MAP7D1: variants seen among roughly 807,000 people sequenced by gnomAD.
MAP7D1 encodes the protein MAP7 domain containing 1, also known as MAP7 domain-containing protein 1.
MAP7D1 carries 30 observed loss-of-function variants against 97.5 expected under a neutral mutation model. That is an observed-to-expected ratio of 0.31 (90% CI 0.23 to 0.42). The LOEUF (loss-of-function observed/expected upper bound fraction) is 0.42, where lower values mean the gene tolerates loss of function less well. Among genes scored for constraint, MAP7D1 ranks in the 10% least tolerant of loss-of-function variants. The pLI, the probability that MAP7D1 is intolerant of heterozygous loss-of-function variation, is 1.00. For missense variants in MAP7D1, 1,184 were observed against 1,179.5 expected (o/e 1.00, Z -0.06); for synonymous variants, 536 against 477.1 (o/e 1.12, Z -1.61).
intron 12 of MAP7D1, 113 bp from the exon 13 acceptor site, chr1:36,179,149 A>G: frequency 6.7e-7 from 1 of 1,492,408 alleles, no homozygotes; most frequent in Non-Finnish European, 9.2e-7. Context: ...CCTGTCCTGG[A>G]GAGGGCTGCT....
At chr1:36,171,458 G>T in intron 2 of MAP7D1, 55 bp from the exon 3 acceptor site, 1 of 1,601,798 alleles carries the variant, frequency 6.2e-7, no homozygotes, top group South Asian at 1.1e-5. Flanking sequence ...ATCTGAGGCT[G>T]ACTCCTCTTT....
rs747446892 is a variant in MAP7D1, at chr1:36,179,016, G to A, written c.2121G>A (p.Glu707=). 9 of 1,553,922 alleles carry A rather than the reference G, an allele frequency of 5.8e-6. No individual in the cohort carries two copies. In the East Asian group the frequency reaches 7.3e-5, roughly 13 times the overall value. Residue 707 remains glutamate, a synonymous_variant, in exon 12 of 17, where the codon GAG becomes GAA. Transcript: ENST00000474796. ...HFQQQEQERQ[E]RRKRLEEIMK... ...AGCAGCAGGAGCAAGAGCGGCAAGAGCGCAGAAAGGTGTGCGGACCTGGGC... is the reference window on the plus strand; with the variant it reads ...AGCAGCAGGAGCAAGAGCGGCAAGAACGCAGAAAGGTGTGCGGACCTGGGC...
Position 36,180,026 on chromosome 1 carries a change from C to G in MAP7D1, c.2471C>G (p.Ala824Gly). The change falls in exon 16 of 17, where the codon GCC (alanine) becomes GGC (glycine). Residue 824 changes from alanine to glycine, a missense_variant. Physicochemically the swap from Ala to Gly is moderately conservative, Grantham distance 60. Transcript: ENST00000474796. The stretch of plus-strand genomic sequence containing the variant: ...CTCCTGCCCTTTGCAGAGGCAGAAG[C>G]CTTCCTCAAGAAAGCTGTGGTGCAG... ...ETLLPFAEAE[A>G]FLKKAVVQSP... is the part of the protein sequence containing the mutation. 3 of 1,614,146 alleles carry G rather than the reference C, an allele frequency of 1.9e-6. No individual in the cohort carries two copies. The highest frequency in any genetic ancestry group is 2.2e-5 in the East Asian group (1 of 44,892).
rs778484622 is a variant in MAP7D1 at position 36,176,261 on chromosome 1, C to G, written c.913C>G (p.Leu305Val). The G allele has an allele frequency of 6.8e-6, 11 of 1,607,752 alleles. No individual in the cohort carries two copies. Among genetic ancestry groups the G allele is most frequent in the South Asian group, 1.1e-5 (1 of 90,696 alleles). Residue 305 changes from leucine to valine, a missense_variant, in exon 7 of 17, where the codon CTC (leucine) becomes GTC (valine). Physicochemically the swap from Leu to Val is conservative, Grantham distance 32. Coordinates refer to ENST00000474796, the MANE Select transcript of MAP7D1 (RefSeq NM_001388490.1). The surrounding 1 kb of genome is among the most constrained non-coding windows in gnomAD (Gnocchi z 6.1). ...SIVDRLMTPTLSFLARSRSAV... is the reference protein window; with the variant it reads ...SIVDRLMTPTVSFLARSRSAV... ...CGTGGATCGTCTGATGACGCCCACTCTCTCCTTCCTTGCTCGGAGTCGCAG... is the reference window on the plus strand; with the variant it reads ...CGTGGATCGTCTGATGACGCCCACTGTCTCCTTCCTTGCTCGGAGTCGCAG...
rs1644705660 is a variant in MAP7D1 at position 36,180,731 on chromosome 1, A to T, written c.*473A>T. 1 of 198,010 alleles carries T rather than the reference A, an allele frequency of 5.1e-6. No individual in the cohort carries two copies. Among genetic ancestry groups the T allele is most frequent in the Admixed American group, 5.3e-5 (1 of 18,896 alleles). The allele number at this position is 198,010 out of a possible 1,614,324, so 12.3% of individuals were successfully genotyped here. On this transcript the variant is annotated 3_prime_UTR_variant, in exon 17 of 17. Transcript: ENST00000474796. ...GGGATCCCAGGTCTGGGGATGGGGGACACCTTGGGCCACAGGATACTGGTT... is the reference window on the plus strand; with the variant it reads ...GGGATCCCAGGTCTGGGGATGGGGGTCACCTTGGGCCACAGGATACTGGTT...
chr1:36,169,022 C>T (rs529846364), intron 1 of MAP7D1, among the ~76,000 whole-genome samples: 6 of 152,046 alleles, frequency 3.9e-5, no homozygotes, highest in South Asian at 4.2e-4. Flanking sequence ...GAGGTCGAGA[C>T]GGGCAGACCA....
Position 36,178,405 on chromosome 1 carries a change from G to C in MAP7D1, c.1709-14G>C. The C allele has an allele frequency of 6.2e-7, 1 of 1,604,474 alleles. No homozygotes were observed. The highest frequency in any genetic ancestry group is 8.5e-7 in the Non-Finnish European group (1 of 1,175,708). ...CGTGGGTGTGCTGACGCCTGATCCC[G>C]GATCCCCCTCCAGACGCTGCTGTCT... On this transcript the variant is annotated splice_polypyrimidine_tract_variant and intron_variant, in intron 9 of 16. Transcript: ENST00000474796.
rs1644559271 is a variant in MAP7D1, at chr1:36,172,527, T to A, written c.524T>A (p.Leu175His). 9 of 1,602,744 alleles carry A rather than the reference T, an allele frequency of 5.6e-6. No individual in the cohort carries two copies. The highest frequency in any genetic ancestry group is 6.8e-6 in the Non-Finnish European group (8 of 1,171,950). ...EKAKALREKQLQERRRRLEEQ... is the reference protein window; with the variant it reads ...EKAKALREKQHQERRRRLEEQ... Reference sequence around the variant, plus strand: ...GCCAAGGCGCTGCGGGAGAAGCAGCTCCAGGAGCGCCGGCGCCGGCTGGAG... The same window carrying A: ...GCCAAGGCGCTGCGGGAGAAGCAGCACCAGGAGCGCCGGCGCCGGCTGGAG... The change falls in exon 4 of 17, where the codon CTC (leucine) becomes CAC (histidine). Residue 175 changes from leucine (L) to histidine (H), a missense_variant. Physicochemically the swap from Leu to His is moderately conservative, Grantham distance 99. Coordinates refer to ENST00000474796, the MANE Select transcript of MAP7D1 (RefSeq NM_001388490.1).
rs1008183082 is a variant in MAP7D1, at chr1:36,172,544, C to T, written c.541C>T (p.Arg181Trp). Residue 181 changes from arginine (R) to tryptophan (W), a missense_variant, in exon 4 of 17, where the codon CGG becomes TGG. Physicochemically the swap from Arg to Trp is moderately radical, Grantham distance 101. Transcript: ENST00000474796. ...GAAGCAGCTCCAGGAGCGCCGGCGC[C>T]GGCTGGAGGAGCAACGTCTTAAAGC... Reference protein sequence around the residue: ...REKQLQERRRRLEEQRLKAEQ... With the variant: ...REKQLQERRRWLEEQRLKAEQ... 1.0e-5 allele frequency: 16 copies of T among 1,602,812 alleles called. No individual in the cohort carries two copies. Among genetic ancestry groups the T allele is most frequent in the East Asian group, 6.7e-5 (3 of 44,538 alleles).
chr1:36,171,624 T>C, intron 3 of MAP7D1, 43 bp downstream of exon 3: 2 of 1,603,224 alleles, frequency 1.2e-6, no homozygotes, highest in Non-Finnish European at 1.7e-6. Context: ...ATCGTCATCA[T>C]CAGCATCCTA....
intron 1 of MAP7D1, among the ~76,000 whole-genome samples, chr1:36,161,219 C>T (rs576576420): frequency 1.3e-5 from 2 of 152,362 alleles, no homozygotes; most frequent in East Asian, 1.9e-4. Context: ...GCACGCTGCC[C>T]TCTCCTAGGG....
chr1:36,164,345 G>A lies in MAP7D1; in HGVS notation c.47-6626G>A, dbSNP rs77581382. On this transcript the variant is annotated intron_variant, in intron 1 of 16. Transcript: ENST00000474796. ...CCTTCTAGGAGGAGGCTGACAATAA[G>A]GAAAGAACCATGCAAGGAAGTTTAA... Among the ~76,000 whole-genome samples the A allele has an allele frequency of 3.0e-3, 452 of 152,270 alleles. 2 individuals are homozygous for A. Among genetic ancestry groups the A allele is most frequent in the African/African-American group, 0.01 (429 of 41,546 alleles).
intron 1 of MAP7D1, among the ~76,000 whole-genome samples, chr1:36,160,226 G>A (rs1644389257): frequency 6.6e-6 from 1 of 152,206 alleles, no homozygotes; most frequent in Non-Finnish European, 1.5e-5. Context: ...TTGGCTGGTG[G>A]TATCTCTGCC....
intron 3 of MAP7D1, chr1:36,172,175 T>C: frequency 3.7e-6 from 1 of 267,336 alleles, no homozygotes; most frequent in South Asian, 1.2e-4. Context: ...GACATCTGTC[T>C]GGTAGGCCCC....
intron 4 of MAP7D1, 62 bp from the exon 5 acceptor site, chr1:36,173,302 C>T: frequency 7.6e-7 from 1 of 1,314,954 alleles, no homozygotes; most frequent in South Asian, 1.3e-5. Context: ...AGAAGGGCCT[C>T]TATCCCAAAT....
rs1570146468 is a variant in MAP7D1, at chr1:36,171,052, T to C, written c.128T>C (p.Leu43Pro). The C allele has an allele frequency of 8.0e-7, 1 of 1,249,390 alleles. No individual in the cohort carries two copies. Among genetic ancestry groups the C allele is most frequent in the Non-Finnish European group, 1.0e-6 (1 of 955,456 alleles). 77.4% of individuals were successfully genotyped at this position (1,249,390 alleles called of 1,614,324 possible). Residue 43 changes from leucine to proline, a missense_variant, in exon 2 of 17, where the codon CTG (leucine) becomes CCG (proline). Leu to Pro is a moderately conservative substitution (Grantham distance 98). Transcript: ENST00000474796. ...CCCCCACCACCACCAATGTCAGCCCTGGTCCCCGACACTCCCCCGGACACC... is the reference window on the plus strand; with the variant it reads ...CCCCCACCACCACCAATGTCAGCCCCGGTCCCCGACACTCCCCCGGACACC... ...PSPPPPPMSA[L>P]VPDTPPDTPP...
chr1:36,176,513 G>C lies in MAP7D1; in HGVS notation c.1165G>C (p.Gly389Arg), dbSNP rs1292039647. 31 of 1,377,588 alleles carry C rather than the reference G, an allele frequency of 2.3e-5. No individual in the cohort carries two copies. The highest frequency in any genetic ancestry group is 2.9e-5 in the Non-Finnish European group (31 of 1,067,226). 85.3% of individuals were successfully genotyped at this position (1,377,588 alleles called of 1,614,324 possible). ...VHRCAPAGER[G>R]ERRKPNAGGS... Reference sequence around the variant, plus strand: ...CCGCTGCGCCCCCGCCGGTGAGCGCGGGGAGCGCCGCAAGCCCAACGCCGG... The same window carrying C: ...CCGCTGCGCCCCCGCCGGTGAGCGCCGGGAGCGCCGCAAGCCCAACGCCGG... Residue 389 changes from glycine to arginine, a missense_variant, in exon 7 of 17, where the codon GGG becomes CGG. By Grantham distance (125) the Gly-to-Arg change is moderately radical. Transcript: ENST00000474796. This position sits in a 1 kb window ranked among gnomAD's most constrained non-coding sequence, Gnocchi z 6.1.
At chr1:36,179,818 G>A in intron 15 of MAP7D1, 56 bp from the exon 16 acceptor site, 1 of 1,568,914 alleles carries the variant, frequency 6.4e-7, no homozygotes, top group Non-Finnish European at 8.6e-7. Flanking sequence ...GAGCTGCGGG[G>A]TGGCCTGGGC....
chr1:36,161,877 A>G lies in MAP7D1; in HGVS notation c.46+5414A>G, dbSNP rs200196618. 2.8e-3 allele frequency among the ~76,000 whole-genome samples: 388 copies of G among 139,114 alleles called. 3 individuals are homozygous for G. The highest frequency in any genetic ancestry group is 0.013 in the East Asian group (54 of 4,106). The allele number at this position is 139,114 out of a possible 152,430, so 91.3% of individuals were successfully genotyped here. A position where few individuals can be genotyped will look rare whatever the true frequency, so the allele number is the denominator to read the frequency against. ...GTTTCCTCTGCATGTGTGTGTGTGTATGTGTGTGTGTGTGTGTGTGTGTGT... is the reference window on the plus strand; with the variant it reads ...GTTTCCTCTGCATGTGTGTGTGTGTGTGTGTGTGTGTGTGTGTGTGTGTGT... On this transcript the variant is annotated intron_variant, in intron 1 of 16. Coordinates refer to ENST00000474796, the MANE Select transcript of MAP7D1 (RefSeq NM_001388490.1).
Sources: gnomAD v4.1 joint callset for allele counts (sites outside exome capture counted in the v4.1 genomes callset) on GRCh38, gnomAD v4.1.1 for gene constraint, Gnocchi (gnomAD v3.1) non-coding constraint, MANE v1.5 for transcripts, NCBI Gene and HGNC (gene_info 2026-07-23, HGNC 2026-07-21) for gene names.